ZMAT4: variants seen among roughly 807,000 people sequenced by gnomAD.
ZMAT4 encodes the protein zinc finger matrin-type protein 4.
Under a neutral mutation model 28.7 loss-of-function variants are expected in ZMAT4, and 17 were observed. That is an observed-to-expected ratio of 0.59 (90% confidence interval 0.41 to 0.89). ZMAT4 has a LOEUF of 0.89. ZMAT4 is among the 40% of genes least tolerant of loss of function. ZMAT4 has a pLI of 0.00. For synonymous variants in ZMAT4, 117 were observed against 109.2 expected (o/e 1.07, Z -0.44); for missense variants, 240 against 283.8 (o/e 0.85, Z 1.11).
chr8:40,754,456 A>G (rs1812589269), intron 3 of ZMAT4, among the ~76,000 whole-genome samples: 1 of 152,222 alleles, frequency 6.6e-6, no homozygotes, highest in African/African-American at 2.4e-5. Context: ...CAGAGTCCCA[A>G]GCTAGAGAAT....
intron 6 of ZMAT4, among the ~76,000 whole-genome samples, chr8:40,568,373 C>T (rs567814956): frequency 5.3e-5 from 8 of 152,230 alleles, no homozygotes; most frequent in African/African-American, 1.7e-4. Context: ...GAATGAGAAT[C>T]GTCTTTCGAG....
Position 40,531,137 on chromosome 8 carries a change from G to A in ZMAT4, c.*1086C>T, listed in dbSNP as rs948002868. 1.1e-4 allele frequency: 17 copies of A among 152,412 alleles called. No individual in the cohort carries two copies. The highest frequency in any genetic ancestry group is 4.1e-4 in the African/African-American group (17 of 41,420). 9.4% of individuals were successfully genotyped at this position (152,412 alleles called of 1,614,324 possible). On this transcript the variant is annotated 3_prime_UTR_variant, in exon 7 of 7. Transcript: ENST00000297737. ...ACAAGACACCAAGTCCGGTCACCATGGAAAAGAATTAAACCTAGAGAAAGA... is the reference window on the plus strand; with the variant it reads ...ACAAGACACCAAGTCCGGTCACCATAGAAAAGAATTAAACCTAGAGAAAGA...
intron 5 of ZMAT4, among the ~76,000 whole-genome samples, chr8:40,661,377 G>A (rs367982817): frequency 4.6e-5 from 7 of 152,290 alleles, no homozygotes; most frequent in South Asian, 2.1e-4. Context: ...TGGGATTACC[G>A]GCATCAGCCA....
intron 3 of ZMAT4, among the ~76,000 whole-genome samples, chr8:40,707,102 C>G (rs1810390360): frequency 6.6e-6 from 1 of 152,136 alleles, no homozygotes; most frequent in African/African-American, 2.4e-5. Context: ...TGCCCCGTCT[C>G]TCTATATGCA....
At chr8:40,623,717 T>G (rs1376694) in intron 5 of ZMAT4, among the ~76,000 whole-genome samples, 147,044 of 152,284 alleles carry the variant, frequency 0.97, 71,204 homozygotes, top group East Asian at 1. Flanking sequence ...ACACAGGGCA[T>G]GAGAGACAAA....
chr8:40,896,369 G>A (rs1239891324), intron 1 of ZMAT4, among the ~76,000 whole-genome samples: 3 of 152,174 alleles, frequency 2.0e-5, no homozygotes, highest in Non-Finnish European at 4.4e-5. Flanking sequence ...AAATCAGAGG[G>A]ATGAAAATCA....
chr8:40,786,758 T>G (rs796924269), intron 2 of ZMAT4: 1 of 1,289,088 alleles, frequency 7.8e-7, no homozygotes, highest in South Asian at 1.2e-5. Flanking sequence ...CTAATGAAAT[T>G]CCCCTTCCTC....
chr8:40,709,386 A>C (rs1005532480), intron 3 of ZMAT4, among the ~76,000 whole-genome samples: 2 of 152,332 alleles, frequency 1.3e-5, no homozygotes. Context: ...GTCAACCCAA[A>C]ACAATCAACA....
intron 1 of ZMAT4, among the ~76,000 whole-genome samples, chr8:40,830,703 T>A (rs988701497): frequency 6.6e-6 from 1 of 152,218 alleles, no homozygotes; most frequent in Non-Finnish European, 1.5e-5. Flanking sequence ...GTTAAAAAGA[T>A]TAATATTCTT....
At chr8:40,705,722 G>A (rs1047986203) in intron 3 of ZMAT4, among the ~76,000 whole-genome samples, 1 of 152,090 alleles carries the variant, frequency 6.6e-6, no homozygotes, top group Non-Finnish European at 1.5e-5. Context: ...AATAATTTTT[G>A]TGGCAAGAGC....
chr8:40,626,383 A>T (rs1806382587), intron 5 of ZMAT4, among the ~76,000 whole-genome samples: 1 of 152,192 alleles, frequency 6.6e-6, no homozygotes, highest in Non-Finnish European at 1.5e-5. Context: ...ATAGGAATTC[A>T]TGGTTCCACT....
chr8:40,841,511 C>A (rs1816700672), intron 1 of ZMAT4, among the ~76,000 whole-genome samples: 2 of 152,168 alleles, frequency 1.3e-5, no homozygotes, highest in Non-Finnish European at 2.9e-5. Flanking sequence ...CCCCCTACTC[C>A]TCTTACCCAA....
chr8:40,616,057 C>T (rs563068735), intron 5 of ZMAT4, among the ~76,000 whole-genome samples: 3 of 152,202 alleles, frequency 2.0e-5, no homozygotes, highest in South Asian at 4.1e-4. Context: ...GCAAACAACC[C>T]CATCAAAAAG....
At chr8:40,789,752 G>T (rs1328401735) in intron 2 of ZMAT4, among the ~76,000 whole-genome samples, 1 of 152,154 alleles carries the variant, frequency 6.6e-6, no homozygotes, top group Non-Finnish European at 1.5e-5. Flanking sequence ...ACAAACTGTA[G>T]CAATCAGCCT....
chr8:40,861,570 A>G (rs988147262), intron 1 of ZMAT4, among the ~76,000 whole-genome samples: 20 of 152,238 alleles, frequency 1.3e-4, no homozygotes, highest in African/African-American at 4.8e-4. Context: ...CAAAATTGAC[A>G]AATGGCATCC....
intron 1 of ZMAT4, among the ~76,000 whole-genome samples, chr8:40,827,291 T>C (rs1318344458): frequency 6.6e-6 from 1 of 152,138 alleles, no homozygotes; most frequent in Non-Finnish European, 1.5e-5. Context: ...GGGAGAAATA[T>C]ATGAGAAAGT....
intron 3 of ZMAT4, among the ~76,000 whole-genome samples, chr8:40,721,459 A>C (rs1056126762): frequency 1.1e-4 from 16 of 145,746 alleles, no homozygotes; most frequent in African/African-American, 3.9e-4. Context: ...GTGTCTTTAT[A>C]GCAGCATGAT....
At chr8:40,535,132 C>T (rs1014613583) in intron 6 of ZMAT4, among the ~76,000 whole-genome samples, 2 of 152,102 alleles carry the variant, frequency 1.3e-5, no homozygotes, top group African/African-American at 4.8e-5. Context: ...GGGAATGTGG[C>T]GCGACATAGA....
chr8:40,884,680 G>C (rs76907429), intron 1 of ZMAT4: 1 of 152,400 alleles, frequency 6.6e-6, no homozygotes, highest in Non-Finnish European at 1.5e-5. Context: ...CTTAGTTTCT[G>C]AAGCAACCTC....
Sources: allele counts gnomAD v4.1 joint callset (sites outside exome capture counted in the v4.1 genomes callset), GRCh38; gene constraint gnomAD v4.1.1; transcripts MANE v1.5; gene names NCBI Gene and HGNC (gene_info 2026-07-23, HGNC 2026-07-21).